The following MDN1 variants were observed in gnomAD, a reference collection of about 807,000 sequenced individuals.
MDN1 encodes the protein midasin AAA ATPase 1.
MDN1 carries 266 observed loss-of-function variants against 669.2 expected under a neutral mutation model. The ratio of observed to expected loss-of-function variants is 0.40; its 90% CI spans 0.36 to 0.44. MDN1 has a LOEUF of 0.44. MDN1 is among the 20% of genes least tolerant of loss of function. The pLI is 1.00. For synonymous variants in MDN1, 2,385 were observed against 2,457.1 expected (o/e 0.97, Z 0.87); for missense variants, 5,940 against 6,754.0 (o/e 0.88, Z 4.22).
intron 15 of MDN1, among the ~76,000 whole-genome samples, chr6:89,768,820 C>T (rs1322024643): frequency 6.6e-6 from 1 of 152,110 alleles, no homozygotes; most frequent in Non-Finnish European, 1.5e-5. Flanking sequence ...CTTTGGGAGG[C>T]CCAGGCGGGA....
intron 1 of MDN1, chr6:89,814,975 C>T: frequency 1.7e-6 from 1 of 580,780 alleles, no homozygotes. Context: ...ACAGAGAATC[C>T]AGGAGTCCTG....
chr6:89,743,844 G>T, intron 29 of MDN1, 130 bp from the exon 30 acceptor site: 1 of 990,924 alleles, frequency 1.0e-6, no homozygotes. Flanking sequence ...TGGCCAATGT[G>T]GAACCTCAAC....
intron 9 of MDN1, among the ~76,000 whole-genome samples, chr6:89,782,411 C>G (rs1322184430): frequency 6.6e-6 from 1 of 151,896 alleles, no homozygotes; most frequent in East Asian, 1.9e-4. Flanking sequence ...GCCTGGGCAA[C>G]ACGGTGAAAA....
intron 15 of MDN1, among the ~76,000 whole-genome samples, chr6:89,763,926 G>A (rs1177166400): frequency 1.3e-5 from 2 of 152,276 alleles, no homozygotes; most frequent in Non-Finnish European, 2.9e-5. Flanking sequence ...AACAAAAAAT[G>A]TACTGAGGCC....
rs1408472726 is a variant in MDN1, at chr6:89,643,334, GT to G, written c.*670del. 4.6e-5 allele frequency: 7 copies of G among 152,214 alleles called. No individual in the cohort carries two copies. Among genetic ancestry groups the G allele is most frequent in the African/African-American group, 1.7e-4 (7 of 41,448 alleles). The allele number at this position is 152,214 out of a possible 1,614,324, so 9.4% of individuals were successfully genotyped here. On this transcript the variant is annotated 3_prime_UTR_variant, in exon 102 of 102. Transcript: ENST00000369393. ...ATTGCATAGTCTCCCGAAGCAGCAA[GT>G]GTGAAAGAGGATACTGAAAAGCCAC...
At chr6:89,649,394 T>G (rs1808701125) in intron 97 of MDN1, among the ~76,000 whole-genome samples, 1 of 152,230 alleles carries the variant, frequency 6.6e-6, no homozygotes, top group African/African-American at 2.4e-5. Context: ...GAACCCAGGT[T>G]CAGAGGCTAC....
chr6:89,755,914 T>C (rs1276523708), intron 20 of MDN1, among the ~76,000 whole-genome samples: 1 of 152,218 alleles, frequency 6.6e-6, no homozygotes, highest in African/African-American at 2.4e-5. Flanking sequence ...ACATCCCACA[T>C]AGCTAGTATA....
intron 1 of MDN1, chr6:89,815,123 G>A: frequency 2.5e-6 from 1 of 399,144 alleles, no homozygotes. Flanking sequence ...AGCTGCCCCT[G>A]ACCACTCAGC....
chr6:89,801,606 T>C lies in MDN1; in HGVS notation c.329+1722A>G, dbSNP rs140363561. Among the ~76,000 whole-genome samples, 1,057 of 151,580 alleles carry C rather than the reference T, an allele frequency of 7.0e-3. 14 individuals are homozygous for C. The highest frequency in any genetic ancestry group is 0.024 in the African/African-American group (983 of 41,310). ...CAGAGGTTACAGTGAGCCAAGACCA[T>C]GCCACTGCACTCCAGCCTAGGTGAC... is the stretch of plus-strand genomic sequence containing the variant. On this transcript the variant is annotated intron_variant, in intron 2 of 101. Coordinates refer to ENST00000369393, the MANE Select transcript of MDN1 (RefSeq NM_014611.3).
chr6:89,677,746 G>T (rs773274088), intron 75 of MDN1, 50 bp from the exon 76 acceptor site: 3 of 1,610,900 alleles, frequency 1.9e-6, no homozygotes, highest in Non-Finnish European at 2.5e-6. Context: ...GTAGAGAATG[G>T]ATGTGCCCCC....
chr6:89,716,692 T>A lies in MDN1; in HGVS notation c.6701A>T (p.Lys2234Met). The part of the protein sequence containing the change: ...WVDSMLVQAL[K>M]SGDWLLMDNV... ...GTCCATCAGAAGCCAGTCTCCAGACTTCAGGGCCTGAACCAACATGCTGTC... is the reference window on the plus strand; with the variant it reads ...GTCCATCAGAAGCCAGTCTCCAGACATCAGGGCCTGAACCAACATGCTGTC... The change falls in exon 44 of 102, where the codon AAG becomes ATG. Residue 2234 changes from lysine (K) to methionine (M), a missense_variant. Lys to Met is a moderately conservative substitution (Grantham distance 95). Transcript: ENST00000369393. 6.2e-7 allele frequency: 1 copy of A among 1,613,918 alleles called. No individual in the cohort carries two copies. Among genetic ancestry groups the A allele is most frequent in the Non-Finnish European group, 8.5e-7 (1 of 1,179,876 alleles).
chr6:89,655,105 A>AT (rs528936360), intron 92 of MDN1, among the ~76,000 whole-genome samples: 70 of 147,880 alleles, frequency 4.7e-4, no homozygotes, highest in African/African-American at 1.0e-3. Flanking sequence ...CTACTGCTCT[A>AT]TTTTTTTTTT....
intron 57 of MDN1, 126 bp downstream of exon 57, chr6:89,699,937 C>CA (rs1813028587): frequency 7.9e-6 from 9 of 1,136,194 alleles, no homozygotes; most frequent in Non-Finnish European, 1.1e-5. Context: ...TCCAAAGTGG[C>CA]AAATCACTTC....
chr6:89,756,391 C>T lies in MDN1; in HGVS notation c.2703-1G>A, dbSNP rs1158851182. 1 of 1,443,084 alleles carries T rather than the reference C, an allele frequency of 6.9e-7. No individual in the cohort carries two copies. Among genetic ancestry groups the T allele is most frequent in the Non-Finnish European group, 9.6e-7 (1 of 1,042,452 alleles). The allele number at this position is 1,443,084 out of a possible 1,614,324, so 89.4% of individuals were successfully genotyped here. A position where few individuals can be genotyped will look rare whatever the true frequency, so the allele number is the denominator to read the frequency against. On this transcript the variant is annotated splice_acceptor_variant, in intron 19 of 101. Coordinates refer to ENST00000369393, the MANE Select transcript of MDN1 (RefSeq NM_014611.3). LOFTEE classifies it high-confidence loss of function. ...TTCTTCTACATAAAGTTCTGTGAACCTGTAAAACAATACATAATAAACACT... is the reference window on the plus strand; with the variant it reads ...TTCTTCTACATAAAGTTCTGTGAACTTGTAAAACAATACATAATAAACACT...
At chr6:89,816,296 A>G (rs1768824745) in intron 1 of MDN1, among the ~76,000 whole-genome samples, 1 of 152,018 alleles carries the variant, frequency 6.6e-6, no homozygotes, top group Non-Finnish European at 1.5e-5. Flanking sequence ...GCTACTCGAG[A>G]GGCTGAGGCA....
chr6:89,758,196 G>T, intron 19 of MDN1, 59 bp downstream of exon 19: 1 of 1,384,396 alleles, frequency 7.2e-7, no homozygotes, highest in Non-Finnish European at 1.0e-6. Context: ...ACTCCAACCT[G>T]GGCAACAGAG....
chr6:89,675,652 T>C (rs1811130424), intron 77 of MDN1, 73 bp from the exon 78 acceptor site: 1 of 1,282,354 alleles, frequency 7.8e-7, no homozygotes, highest in Non-Finnish European at 1.1e-6. Context: ...TCTAGAAAGC[T>C]GTTTCTACTA....
chr6:89,758,049 GA>G (rs1229911188), intron 19 of MDN1, among the ~76,000 whole-genome samples: 2 of 150,898 alleles, frequency 1.3e-5, no homozygotes, highest in African/African-American at 2.4e-5. Context: ...CTCTGTCTCA[GA>G]AAAAAAATAA....
intron 1 of MDN1, among the ~76,000 whole-genome samples, chr6:89,807,632 ATT>A (rs1330006096): frequency 6.6e-6 from 1 of 152,120 alleles, no homozygotes; most frequent in African/African-American, 2.4e-5. Context: ...AACTTTAGAA[ATT>A]TTGAGATTAT....
Sources: gnomAD v4.1 joint callset for allele counts (sites outside exome capture counted in the v4.1 genomes callset) on GRCh38, gnomAD v4.1.1 for gene constraint, MANE v1.5 for transcripts, NCBI Gene and HGNC (gene_info 2026-07-23, HGNC 2026-07-21) for gene names.